The following ROBO1 variants were observed in gnomAD, a reference collection of about 807,000 sequenced individuals.
ROBO1 encodes the protein roundabout guidance receptor 1, also known as roundabout homolog 1.
ROBO1 carries 149 observed loss-of-function variants against 195.9 expected under a neutral mutation model. That is an observed-to-expected ratio of 0.76 (90% CI 0.67 to 0.87). The LOEUF is 0.87. Ranked by LOEUF, ROBO1 falls within the 40% of genes least tolerant of loss-of-function variation. ROBO1 has a pLI of 0.00. For synonymous variants in ROBO1, 816 were observed against 733.2 expected (o/e 1.11, Z -1.82); for missense variants, 1,933 against 2,068.3 (o/e 0.93, Z 1.27).
Position 78,718,872 on chromosome 3 carries a change from G to A in ROBO1, c.658-989C>T, listed in dbSNP as rs1264179975. On this transcript the variant is annotated intron_variant, in intron 5 of 30. Transcript: ENST00000464233. ...GGAGAGAGGGAGGGAGGGAGAGAGG[G>A]AAAAAGGGAGGGAAGGAGGGAGGGA... is the stretch of plus-strand genomic sequence containing the variant. 7.2e-5 allele frequency among the ~76,000 whole-genome samples: 9 copies of A among 124,892 alleles called. No homozygotes were observed. The South Asian group carries it at 1.2e-3, about 16-fold the overall frequency. 81.9% of individuals were successfully genotyped at this position (124,892 alleles called of 152,430 possible). A position where few individuals can be genotyped will look rare whatever the true frequency, so the allele number is the denominator to read the frequency against.
intron 4 of ROBO1, among the ~76,000 whole-genome samples, chr3:78,874,453 A>C (rs1249875889): frequency 2.0e-5 from 3 of 151,912 alleles, no homozygotes; most frequent in Non-Finnish European, 4.4e-5. Context: ...CTTATAATGC[A>C]AATGCTAATG....
intron 2 of ROBO1, among the ~76,000 whole-genome samples, chr3:79,226,710 A>G (rs2082234236): frequency 6.6e-6 from 1 of 151,700 alleles, no homozygotes; most frequent in Non-Finnish European, 1.5e-5. Context: ...CACAATGCCC[A>G]GCTAACTTTT....
chr3:79,643,928 A>C (rs1945740929), intron 1 of ROBO1, among the ~76,000 whole-genome samples: 1 of 152,130 alleles, frequency 6.6e-6, no homozygotes, highest in South Asian at 2.1e-4. Flanking sequence ...AAGAAACAAC[A>C]CGCAAGTTTA....
chr3:79,212,988 A>T (rs2108806178), intron 2 of ROBO1, among the ~76,000 whole-genome samples: 1 of 152,104 alleles, frequency 6.6e-6, no homozygotes, highest in Admixed American at 6.6e-5. Context: ...AAATTATTTT[A>T]AAATGTCTAT....
intron 4 of ROBO1, among the ~76,000 whole-genome samples, chr3:78,768,250 G>A (rs1270902084): frequency 6.6e-6 from 1 of 151,746 alleles, no homozygotes; most frequent in Non-Finnish European, 1.5e-5. Context: ...TTTTTGGGGG[G>A]TGGGGTGGAG....
intron 1 of ROBO1, among the ~76,000 whole-genome samples, chr3:79,750,496 C>A (rs1235285713): frequency 6.6e-6 from 1 of 152,114 alleles, no homozygotes; most frequent in Non-Finnish European, 1.5e-5. Flanking sequence ...TGTGTCCCCA[C>A]CCAAATCTCA....
chr3:79,480,450 T>G (rs1329593358), intron 2 of ROBO1, among the ~76,000 whole-genome samples: 7 of 152,186 alleles, frequency 4.6e-5, no homozygotes, highest in Non-Finnish European at 8.8e-5. Flanking sequence ...GCACACTTCA[T>G]GTGCATTTAT....
At chr3:79,494,323 G>A (rs1362391679) in intron 2 of ROBO1, among the ~76,000 whole-genome samples, 3 of 152,046 alleles carry the variant, frequency 2.0e-5, no homozygotes, top group Admixed American at 2.0e-4. Flanking sequence ...ACAATAAAAA[G>A]TCATGTAAAG....
At chr3:79,018,053 C>T (rs1297124095) in intron 3 of ROBO1, among the ~76,000 whole-genome samples, 1 of 152,166 alleles carries the variant, frequency 6.6e-6, no homozygotes, top group East Asian at 1.9e-4. Flanking sequence ...ATACTCACTT[C>T]GGCTCATCCT....
intron 2 of ROBO1, among the ~76,000 whole-genome samples, chr3:79,426,370 G>GTTGT (rs900001867): frequency 2.6e-4 from 39 of 151,658 alleles, no homozygotes; most frequent in African/African-American, 4.1e-4. Context: ...TGTTGTTGTT[G>GTTGT]TTGTTTGTTT....
chr3:79,426,535 A>G (rs1205167569), intron 2 of ROBO1, among the ~76,000 whole-genome samples: 1 of 151,994 alleles, frequency 6.6e-6, no homozygotes, highest in Non-Finnish European at 1.5e-5. Flanking sequence ...ATGTCTGGCT[A>G]ATTTTTGTAT....
At chr3:78,761,391 T>C (rs1368616187) in intron 4 of ROBO1, among the ~76,000 whole-genome samples, 1 of 152,138 alleles carries the variant, frequency 6.6e-6, no homozygotes, top group Non-Finnish European at 1.5e-5. Context: ...TAAACTAATG[T>C]ATAAGGTTTT....
chr3:78,996,603 T>C (rs2077372362), intron 3 of ROBO1, among the ~76,000 whole-genome samples: 1 of 152,132 alleles, frequency 6.6e-6, no homozygotes, highest in Non-Finnish European at 1.5e-5. Context: ...GGAACGGCTT[T>C]ACTGATGTAT....
chr3:79,757,867 C>T (rs148585939), intron 1 of ROBO1, among the ~76,000 whole-genome samples: 128 of 152,284 alleles, frequency 8.4e-4, no homozygotes, highest in African/African-American at 2.8e-3. Flanking sequence ...ATGATTACTA[C>T]ACTTCCATCT....
At chr3:79,391,042 C>A (rs2036930524) in intron 2 of ROBO1, among the ~76,000 whole-genome samples, 1 of 151,688 alleles carries the variant, frequency 6.6e-6, no homozygotes, top group Non-Finnish European at 1.5e-5. Context: ...TGCCTGTAAT[C>A]CCAGCACTTT....
intron 4 of ROBO1, among the ~76,000 whole-genome samples, chr3:78,911,194 C>G (rs368190167): frequency 2.3e-4 from 35 of 151,904 alleles, no homozygotes; most frequent in African/African-American, 8.2e-4. Context: ...CATGAAAGAA[C>G]CTAAAGGAAA....
At chr3:79,366,190 C>A (rs1186052790) in intron 2 of ROBO1, among the ~76,000 whole-genome samples, 1 of 152,080 alleles carries the variant, frequency 6.6e-6, no homozygotes, top group Non-Finnish European at 1.5e-5. Context: ...ATAGCACATA[C>A]CTCACATGAT....
chr3:79,020,926 G>C (rs955544881), intron 3 of ROBO1, among the ~76,000 whole-genome samples: 3 of 152,080 alleles, frequency 2.0e-5, no homozygotes, highest in Non-Finnish European at 2.9e-5. Flanking sequence ...ACATAGTGTT[G>C]TGCTTTTCCA....
Position 79,430,460 on chromosome 3 carries a change from T to C in ROBO1, c.88+159364A>G, listed in dbSNP as rs567386600. Among the ~76,000 whole-genome samples, 48 of 152,186 alleles carry C rather than the reference T, an allele frequency of 3.2e-4. No individual in the cohort carries two copies. In the South Asian group the frequency reaches 7.9e-3, roughly 25 times the overall value. ...TAAATTGATTTCATTTTTGAGAAAA[T>C]GATGTTTCTCTCAATTGATTAGACC... is the stretch of plus-strand genomic sequence containing the variant. On this transcript the variant is annotated intron_variant, in intron 2 of 30. Coordinates refer to ENST00000464233, the MANE Select transcript of ROBO1 (RefSeq NM_002941.4).
Sources: allele counts gnomAD v4.1 joint callset (sites outside exome capture counted in the v4.1 genomes callset), GRCh38; gene constraint gnomAD v4.1.1; transcripts MANE v1.5; gene names NCBI Gene and HGNC (gene_info 2026-07-23, HGNC 2026-07-21).